The following ADAM10 variants were observed in gnomAD, a reference collection of about 807,000 sequenced individuals.
ADAM10 encodes the protein ADAM metallopeptidase domain 10, also known as disintegrin and metalloproteinase domain-containing protein 10.
ADAM10 carries 17 observed loss-of-function variants against 90.1 expected under a neutral mutation model. The observed-to-expected ratio is 0.19, with a 90% CI of 0.13 to 0.28. ADAM10 has a LOEUF of 0.28. Among genes scored for constraint, ADAM10 ranks in the 10% least tolerant of loss-of-function variants. The pLI, the probability that ADAM10 is intolerant of heterozygous loss-of-function variation, is 1.00. For synonymous variants in ADAM10, 310 were observed against 298.6 expected, an observed-to-expected ratio of 1.04 and a Z score of -0.40; for missense variants, 610 against 914.3, an observed-to-expected ratio of 0.67 and a Z score of 4.29.
chr15:58,744,102 G>GT (rs1235722131), intron 1 of ADAM10, among the ~76,000 whole-genome samples: 1 of 152,118 alleles, frequency 6.6e-6, no homozygotes, highest in African/African-American at 2.4e-5. Flanking sequence ...TTATTCATCA[G>GT]TTTTTTCTCT....
At chr15:58,633,477 C>T in intron 8 of ADAM10, 118 bp from the exon 9 acceptor site, 1 of 874,424 alleles carries the variant, frequency 1.1e-6, no homozygotes, top group South Asian at 1.7e-5. Flanking sequence ...AGAACTGGTA[C>T]TCAAACGTAT....
intron 2 of ADAM10, among the ~76,000 whole-genome samples, chr15:58,688,458 G>A (rs1897669848): frequency 1.3e-5 from 2 of 148,736 alleles, no homozygotes; most frequent in Non-Finnish European, 3.0e-5. Flanking sequence ...AAAAAAACAA[G>A]GGGTAAAAAA....
At chr15:58,657,646 C>G (rs1434673746) in intron 5 of ADAM10, among the ~76,000 whole-genome samples, 3 of 152,130 alleles carry the variant, frequency 2.0e-5, no homozygotes, top group Non-Finnish European at 4.4e-5. Flanking sequence ...ATTTTTAATT[C>G]TCTATCTGAA....
chr15:58,733,286 G>A (rs892939579), intron 1 of ADAM10: 1 of 151,594 alleles, frequency 6.6e-6, no homozygotes, highest in Non-Finnish European at 1.5e-5. Flanking sequence ...CTACAACTAG[G>A]TGAGTGAACA....
chr15:58,619,855 G>A (rs1428289142), intron 11 of ADAM10, among the ~76,000 whole-genome samples: 5 of 151,640 alleles, frequency 3.3e-5, no homozygotes, highest in African/African-American at 1.2e-4. Context: ...AGTGAGCAGA[G>A]ATCGCGCCAC....
chr15:58,728,711 A>T (rs2140834179), intron 1 of ADAM10, among the ~76,000 whole-genome samples: 1 of 152,246 alleles, frequency 6.6e-6, no homozygotes, highest in African/African-American at 2.4e-5. Flanking sequence ...TCCCTAAGTT[A>T]CAAAATTTTT....
intron 15 of ADAM10, among the ~76,000 whole-genome samples, chr15:58,599,027 C>T (rs963776224): frequency 6.6e-6 from 1 of 152,094 alleles, no homozygotes; most frequent in Admixed American, 6.6e-5. Flanking sequence ...AGCACAAACA[C>T]TAAAAACGAT....
chr15:58,639,720 T>C (rs1322257199), intron 8 of ADAM10, among the ~76,000 whole-genome samples: 4 of 151,948 alleles, frequency 2.6e-5, no homozygotes, highest in South Asian at 4.1e-4. Context: ...AAAGAAGCTA[T>C]GGAAATTGTA....
chr15:58,618,103 A>G (rs1895673186), intron 11 of ADAM10, among the ~76,000 whole-genome samples: 1 of 152,216 alleles, frequency 6.6e-6, no homozygotes, highest in African/African-American at 2.4e-5. Context: ...TGGAGGCATC[A>G]CACCACCTAA....
chr15:58,614,300 GAAAAAAGAAAGA>G (rs148662732), intron 11 of ADAM10, among the ~76,000 whole-genome samples: 7,547 of 53,984 alleles, frequency 0.14, 645 homozygotes, highest in African/African-American at 0.45. Context: ...TAAAAAGAAA[GAAAAAAGAAAGA>G]AAAAAAAAAG....
intron 2 of ADAM10, among the ~76,000 whole-genome samples, chr15:58,695,988 T>C (rs182350360): frequency 5.9e-5 from 9 of 152,180 alleles, no homozygotes; most frequent in Admixed American, 5.2e-4. Context: ...TGATGATACA[T>C]GCCTGTAATC....
intron 2 of ADAM10, among the ~76,000 whole-genome samples, chr15:58,707,007 TC>T (rs1227034747): frequency 1.1e-5 from 1 of 87,082 alleles, no homozygotes; most frequent in African/African-American, 4.6e-5. Context: ...AGACTCCATC[TC>T]AAAAAAAAAA....
At chr15:58,692,919 C>T (rs1421156424) in intron 2 of ADAM10, 2 of 703,302 alleles carry the variant, frequency 2.8e-6, no homozygotes, top group African/African-American at 1.8e-5. Flanking sequence ...CAGCCTTGGT[C>T]ATGCCAATGC....
chr15:58,728,651 A>C (rs1396448743), intron 1 of ADAM10, among the ~76,000 whole-genome samples: 1 of 152,156 alleles, frequency 6.6e-6, no homozygotes. Context: ...TGGCCTTCCT[A>C]CTTTTTCCCT....
rs35460688 is a variant in ADAM10 at position 58,718,472 on chromosome 15, T to TA, written c.56-746dup. 2.6e-5 allele frequency among the ~76,000 whole-genome samples: 4 copies of TA among 151,704 alleles called. No homozygotes were observed. In the East Asian group the frequency reaches 5.8e-4, roughly 22 times the overall value. ...TCTTTGTCAAGTTTTGGTATTGGGG[T>TA]AAAAAAAAAATGTGTTGAGAAGTAT... On this transcript the variant is annotated intron_variant, in intron 1 of 15. Transcript: ENST00000260408.
intron 1 of ADAM10, among the ~76,000 whole-genome samples, chr15:58,743,914 T>G (rs1299938780): frequency 3.3e-5 from 5 of 152,206 alleles, no homozygotes; most frequent in Admixed American, 1.3e-4. Context: ...GGCCAACACT[T>G]TTTCTTAATT....
intron 2 of ADAM10, among the ~76,000 whole-genome samples, chr15:58,688,162 G>C (rs1323882507): frequency 1.3e-5 from 2 of 152,126 alleles, no homozygotes; most frequent in Admixed American, 6.5e-5. Context: ...GAGACTGGGG[G>C]AAAGATGTCC....
intron 14 of ADAM10, among the ~76,000 whole-genome samples, chr15:58,603,876 TAAAAAAAAAAAAAA>T (rs34718794): frequency 1.4e-5 from 1 of 72,066 alleles, no homozygotes; most frequent in Non-Finnish European, 2.8e-5. Context: ...GGTCCAGGGT[TAAAAAAAAAAAAAA>T]AAAAAAAAAA....
At chr15:58,676,306 A>G (rs1383005536) in intron 4 of ADAM10, 1 of 455,642 alleles carries the variant, frequency 2.2e-6, no homozygotes, top group African/African-American at 2.0e-5. Flanking sequence ...ATAAAGTGGG[A>G]ATAATAGGTG....
Sources: allele counts gnomAD v4.1 joint callset (sites outside exome capture counted in the v4.1 genomes callset), GRCh38; gene constraint gnomAD v4.1.1; transcripts MANE v1.5; gene names NCBI Gene and HGNC (gene_info 2026-07-23, HGNC 2026-07-21).